The following AHCYL2 variants were observed in gnomAD, a reference collection of about 807,000 sequenced individuals.
The protein encoded by AHCYL2 is S-adenosylhomocysteine hydrolase-like protein 2.
Under a neutral mutation model 81.4 loss-of-function variants are expected in AHCYL2, and 28 were observed. The observed-to-expected ratio is 0.34, with a 90% CI of 0.25 to 0.47. The LOEUF (loss-of-function observed/expected upper bound fraction) is 0.47, where lower values mean the gene tolerates loss of function less well. Among genes scored for constraint, AHCYL2 ranks in the 20% least tolerant of loss-of-function variants. The pLI is 1.00. For synonymous variants in AHCYL2, 272 were observed against 290.2 expected (o/e 0.94, Z 0.64); for missense variants, 551 against 785.1 (o/e 0.70, Z 3.56).
At chr7:129,418,211 A>C (rs1796948751) in intron 12 of AHCYL2, among the ~76,000 whole-genome samples, 2 of 152,232 alleles carry the variant, frequency 1.3e-5, no homozygotes, top group African/African-American at 4.8e-5. Flanking sequence ...TAAGGACTTT[A>C]GATTTTATTC....
Position 129,405,148 on chromosome 7 carries a change from C to T in AHCYL2, c.1077C>T (p.Val359=), listed in dbSNP as rs749345192. 1.2e-6 allele frequency: 2 copies of T among 1,605,734 alleles called. No homozygotes were observed. The highest frequency in any genetic ancestry group is 4.6e-5 in the East Asian group (2 of 43,674). Residue 359 remains valine (V), a synonymous_variant, in exon 8 of 17, where the codon GTC becomes GTT. Coordinates refer to ENST00000325006, the MANE Select transcript of AHCYL2 (RefSeq NM_015328.4). ...AGCTGTGTGTTCCAGCCATGAATGT[C>T]AATGACTCAGTCACCAAACAGAAAT... ...AGKLCVPAMN[V]NDSVTKQKFD...
chr7:129,320,563 G>A (rs12532192), intron 1 of AHCYL2, among the ~76,000 whole-genome samples: 39,613 of 151,938 alleles, frequency 0.26, 6,538 homozygotes, highest in East Asian at 0.63. Context: ...GTGATCCACC[G>A]CCCATCCCAA....
intron 1 of AHCYL2, among the ~76,000 whole-genome samples, chr7:129,360,193 G>A (rs947217139): frequency 4.6e-5 from 7 of 151,302 alleles, no homozygotes; most frequent in East Asian, 1.9e-4. Context: ...TTGGCTCACC[G>A]CAACCTCTGC....
intron 1 of AHCYL2, among the ~76,000 whole-genome samples, chr7:129,293,542 G>C (rs1198146664): frequency 6.6e-6 from 1 of 152,010 alleles, no homozygotes. Flanking sequence ...GCTGGGCATG[G>C]TGGCACATGC....
At chr7:129,370,391 T>TA (rs1369111468) in intron 1 of AHCYL2, among the ~76,000 whole-genome samples, 1 of 128,922 alleles carries the variant, frequency 7.8e-6, no homozygotes, top group Non-Finnish European at 1.7e-5. Context: ...TCTTGGTTGG[T>TA]AAAAAATAAA....
rs547143723 is a variant in AHCYL2 at position 129,393,844 on chromosome 7, C to T, written c.721-3378C>T. ...TTTTGAAATGTCATTGTTCCCAGAT[C>T]CTCTTTTTTCCCTCTCCATACATGT... On this transcript the variant is annotated intron_variant, in intron 4 of 16. Transcript: ENST00000325006. Among the ~76,000 whole-genome samples, 29 of 152,294 alleles carry T rather than the reference C, an allele frequency of 1.9e-4. No individual in the cohort carries two copies. The East Asian group carries it at 4.8e-3, about 25-fold the overall frequency.
intron 1 of AHCYL2, among the ~76,000 whole-genome samples, chr7:129,278,819 G>T (rs921250709): frequency 1.8e-5 from 2 of 110,316 alleles, no homozygotes; most frequent in South Asian, 3.0e-4. Flanking sequence ...ATCATTTGTT[G>T]GTAAGACTCT....
chr7:129,265,240 G>GC (rs1795775689), intron 1 of AHCYL2, among the ~76,000 whole-genome samples: 1 of 152,084 alleles, frequency 6.6e-6, no homozygotes, highest in South Asian at 2.1e-4. Context: ...GGAGCTCAGG[G>GC]CATTATTTCA....
intron 1 of AHCYL2, among the ~76,000 whole-genome samples, chr7:129,290,343 A>G (rs1284881974): frequency 6.6e-6 from 1 of 151,832 alleles, no homozygotes; most frequent in Admixed American, 6.6e-5. Flanking sequence ...TCTACTAAAA[A>G]TACAAAAATT....
In AHCYL2 at chr7:129,411,437, G is replaced by A. The variant is rs139650933; in HGVS notation, c.1366+1891G>A. On this transcript the variant is annotated intron_variant, in intron 11 of 16. Coordinates refer to ENST00000325006, the MANE Select transcript of AHCYL2 (RefSeq NM_015328.4). ...ATCATAGCAACACCTGTGAAAAGAA[G>A]GGGAAAAAATAATAATTTTTTTTAA... Among the ~76,000 whole-genome samples, 1,179 of 152,160 alleles carry A rather than the reference G, an allele frequency of 7.7e-3. 19 individuals are homozygous for A. The highest frequency in any genetic ancestry group is 0.027 in the African/African-American group (1,123 of 41,504).
chr7:129,296,567 T>G (rs1584755525), intron 1 of AHCYL2, among the ~76,000 whole-genome samples: 1 of 152,038 alleles, frequency 6.6e-6, no homozygotes, highest in Non-Finnish European at 1.5e-5. Flanking sequence ...AAAAAATTAG[T>G]TGGGCATGTA....
At chr7:129,308,134 G>A (rs1797510885) in intron 1 of AHCYL2, among the ~76,000 whole-genome samples, 1 of 152,078 alleles carries the variant, frequency 6.6e-6, no homozygotes, top group Non-Finnish European at 1.5e-5. Flanking sequence ...CAAGTCCCCT[G>A]GCTCCAAGCC....
At chr7:129,422,238 G>T (rs1168363736) in intron 12 of AHCYL2, among the ~76,000 whole-genome samples, 3 of 152,112 alleles carry the variant, frequency 2.0e-5, no homozygotes, top group African/African-American at 7.2e-5. Flanking sequence ...CCTCACATTT[G>T]CACTTAGGTC....
intron 1 of AHCYL2, among the ~76,000 whole-genome samples, chr7:129,259,052 T>C (rs990779499): frequency 6.6e-6 from 1 of 152,222 alleles, no homozygotes. Context: ...CAAACTAATA[T>C]GTATATAAAA....
At chr7:129,271,868 G>A (rs1796030800) in intron 1 of AHCYL2, among the ~76,000 whole-genome samples, 2 of 152,222 alleles carry the variant, frequency 1.3e-5, no homozygotes, top group Admixed American at 1.3e-4. Context: ...AACAAAGACA[G>A]ATTGTTGTAG....
At chr7:129,327,939 A>G (rs978147722) in intron 1 of AHCYL2, among the ~76,000 whole-genome samples, 1 of 151,810 alleles carries the variant, frequency 6.6e-6, no homozygotes, top group Non-Finnish European at 1.5e-5. Flanking sequence ...TACTACAGGT[A>G]TGCACCACCA....
At chr7:129,285,677 A>G (rs1028782804) in intron 1 of AHCYL2, among the ~76,000 whole-genome samples, 3 of 136,784 alleles carry the variant, frequency 2.2e-5, no homozygotes, top group Non-Finnish European at 3.1e-5. Flanking sequence ...GTAATCCTCT[A>G]TTTTCTTTCT....
At chr7:129,258,230 AT>A (rs11379395) in intron 1 of AHCYL2, among the ~76,000 whole-genome samples, 2,611 of 131,776 alleles carry the variant, frequency 0.02, 56 homozygotes, top group African/African-American at 0.061. Flanking sequence ...ACAGTTCTCA[AT>A]TTTTTTTTTT....
chr7:129,340,608 C>A (rs1476420116), intron 1 of AHCYL2, among the ~76,000 whole-genome samples: 3 of 150,952 alleles, frequency 2.0e-5, no homozygotes, highest in Admixed American at 1.3e-4. Context: ...GTCGTTTTAT[C>A]TACTGTTTAT....
Sources: gnomAD v4.1 joint callset for allele counts (sites outside exome capture counted in the v4.1 genomes callset) on GRCh38, gnomAD v4.1.1 for gene constraint, MANE v1.5 for transcripts, NCBI Gene and HGNC (gene_info 2026-07-23, HGNC 2026-07-21) for gene names.